EPHA6: variants seen among roughly 807,000 people sequenced by gnomAD.
EPHA6 encodes the protein ephrin type-A receptor 6.
A neutral mutation model predicts 112.0 loss-of-function variants in EPHA6; 50 were observed. The observed-to-expected ratio is 0.45, with a 90% confidence interval of 0.36 to 0.56. The LOEUF is 0.56. EPHA6 is among the 20% of genes least tolerant of loss of function. The pLI, the probability that EPHA6 is intolerant of heterozygous loss-of-function variation, is 0.00. For missense variants in EPHA6, 1,280 were observed against 1,417.4 expected (o/e 0.90, Z 1.56); for synonymous variants, 529 against 490.7 (o/e 1.08, Z -1.03).
At chr3:97,648,422 G>A in intron 14 of EPHA6, 2 of 1,478,764 alleles carry the variant, frequency 1.4e-6, no homozygotes, top group Non-Finnish European at 9.0e-7. Context: ...AGCAGCATGA[G>A]GGGAAGGTAT....
chr3:97,486,027 AT>A (rs1199080304), intron 10 of EPHA6, among the ~76,000 whole-genome samples: 16 of 152,306 alleles, frequency 1.1e-4, no homozygotes, highest in African/African-American at 2.9e-4. Context: ...ATTTTTAGAT[AT>A]TTTTTCAAGT....
intron 5 of EPHA6, among the ~76,000 whole-genome samples, chr3:97,377,007 C>T (rs921372758): frequency 6.6e-5 from 10 of 152,074 alleles, no homozygotes; most frequent in Middle Eastern, 3.2e-3. Context: ...CTCACATGGA[C>T]GAAAGTGGAA....
chr3:97,028,790 ATATT>A (rs1435954925), intron 3 of EPHA6, among the ~76,000 whole-genome samples: 3 of 152,124 alleles, frequency 2.0e-5, no homozygotes, highest in Admixed American at 6.5e-5. Flanking sequence ...TATTAATAAA[ATATT>A]TATATTCTTA....
chr3:97,419,094 C>T (rs558069699), intron 6 of EPHA6, among the ~76,000 whole-genome samples: 2 of 152,128 alleles, frequency 1.3e-5, no homozygotes, highest in Non-Finnish European at 2.9e-5. Context: ...CACCTGAGTT[C>T]GGGAGTTTAA....
chr3:97,364,227 C>T (rs1275489255), intron 5 of EPHA6, among the ~76,000 whole-genome samples: 3 of 151,490 alleles, frequency 2.0e-5, no homozygotes, highest in African/African-American at 2.4e-5. Context: ...AGAAAAATTA[C>T]GAGGACACAG....
chr3:97,026,487 T>A (rs1167467775), intron 3 of EPHA6, among the ~76,000 whole-genome samples: 2 of 152,182 alleles, frequency 1.3e-5, no homozygotes, highest in African/African-American at 4.8e-5. Flanking sequence ...GACTTAGCCA[T>A]ATTCCTAAGT....
At chr3:97,041,480 A>G (rs1160192988) in intron 3 of EPHA6, among the ~76,000 whole-genome samples, 1 of 151,846 alleles carries the variant, frequency 6.6e-6, no homozygotes, top group Non-Finnish European at 1.5e-5. Flanking sequence ...TCAGATACAA[A>G]CCTCCTATGA....
chr3:96,920,768 C>T (rs941489874), intron 2 of EPHA6, among the ~76,000 whole-genome samples: 2 of 151,866 alleles, frequency 1.3e-5, no homozygotes, highest in African/African-American at 4.8e-5. Context: ...TAAATAACTC[C>T]ATTAAATGGC....
At position 97,239,585 on chromosome 3, in the gene EPHA6, G is replaced by C. The variant is rs879921775; in HGVS notation, c.1271-4367G>C. On this transcript the variant is annotated intron_variant, in intron 4 of 17. Coordinates refer to ENST00000389672, the MANE Select transcript of EPHA6 (RefSeq NM_001080448.3). ...AAAATAAAATGTTACTAAGAAAATC[G>C]TAAAGGAAGATAAAATGTATTCACT... Among the ~76,000 whole-genome samples the C allele has an allele frequency of 1.1e-4, 16 of 151,788 alleles. 1 individual carries two copies. Among genetic ancestry groups the C allele is most frequent in the Admixed American group, 1.1e-3 (16 of 15,200 alleles).
intron 5 of EPHA6, among the ~76,000 whole-genome samples, chr3:97,353,798 T>C (rs1354720939): frequency 6.6e-6 from 1 of 152,142 alleles, no homozygotes; most frequent in Non-Finnish European, 1.5e-5. Flanking sequence ...AGCCAGGCAA[T>C]GGCACCTGCA....
intron 14 of EPHA6, among the ~76,000 whole-genome samples, chr3:97,717,955 T>C (rs1300681396): frequency 6.6e-6 from 1 of 152,214 alleles, no homozygotes; most frequent in Non-Finnish European, 1.5e-5. Context: ...TGACCTATCT[T>C]AATAGAACCC....
At chr3:97,403,138 T>A (rs912012052) in intron 5 of EPHA6, among the ~76,000 whole-genome samples, 47 of 152,236 alleles carry the variant, frequency 3.1e-4, no homozygotes, top group African/African-American at 1.1e-3. Context: ...CAATACAACA[T>A]AGTTACTCAT....
chr3:97,594,724 A>G (rs1481864833), intron 12 of EPHA6, among the ~76,000 whole-genome samples: 3 of 152,216 alleles, frequency 2.0e-5, no homozygotes, highest in Non-Finnish European at 4.4e-5. Flanking sequence ...TTTTAAAAAA[A>G]CTAAAGTATT....
At chr3:97,306,958 A>G (rs1387084280) in intron 5 of EPHA6, among the ~76,000 whole-genome samples, 2 of 149,998 alleles carry the variant, frequency 1.3e-5, no homozygotes, top group South Asian at 2.1e-4. Context: ...CTGTTACCTT[A>G]TGTATTGATT....
At chr3:96,857,243 G>T (rs976137305) in intron 1 of EPHA6, among the ~76,000 whole-genome samples, 1 of 152,074 alleles carries the variant, frequency 6.6e-6, no homozygotes, top group African/African-American at 2.4e-5. Context: ...ATTGCAGAAA[G>T]TTCTGATGAT....
At chr3:97,115,921 G>C (rs1482985684) in intron 3 of EPHA6, among the ~76,000 whole-genome samples, 1 of 151,702 alleles carries the variant, frequency 6.6e-6, no homozygotes, top group East Asian at 1.9e-4. Context: ...TTGCCTAACT[G>C]CCTAAAAACA....
In EPHA6 at chr3:97,273,536, C is replaced by T. The variant is rs145329278; in HGVS notation, c.1606+29249C>T. On this transcript the variant is annotated intron_variant, in intron 5 of 17. Coordinates refer to ENST00000389672, the MANE Select transcript of EPHA6 (RefSeq NM_001080448.3). ...AAATGGGCTGTACCCTGTAGCATTCCGAGGACGGGCCTGAATTCTGAGAAG... is the reference window on the plus strand; with the variant it reads ...AAATGGGCTGTACCCTGTAGCATTCTGAGGACGGGCCTGAATTCTGAGAAG... Among the ~76,000 whole-genome samples, 1,475 of 152,228 alleles carry T rather than the reference C, an allele frequency of 9.7e-3. 18 individuals are homozygous for T. Among genetic ancestry groups the T allele is most frequent in the African/African-American group, 0.031 (1,302 of 41,534 alleles).
At chr3:97,126,844 A>G (rs2048194994) in intron 3 of EPHA6, among the ~76,000 whole-genome samples, 1 of 151,828 alleles carries the variant, frequency 6.6e-6, no homozygotes, top group Non-Finnish European at 1.5e-5. Context: ...AAAAACCACT[A>G]CAGTAAGAGC....
At chr3:97,165,772 T>C (rs1281752786) in intron 3 of EPHA6, among the ~76,000 whole-genome samples, 1 of 152,176 alleles carries the variant, frequency 6.6e-6, no homozygotes, top group African/African-American at 2.4e-5. Flanking sequence ...AAGGAGCTTC[T>C]CCATATGGGA....
Sources: gnomAD v4.1 joint callset for allele counts (sites outside exome capture counted in the v4.1 genomes callset) on GRCh38, gnomAD v4.1.1 for gene constraint, MANE v1.5 for transcripts, NCBI Gene and HGNC (gene_info 2026-07-23, HGNC 2026-07-21) for gene names.